ZNF536: variants seen among roughly 807,000 people sequenced by gnomAD.
ZNF536 encodes the protein zinc finger protein 536.
Under a neutral mutation model 84.5 loss-of-function variants are expected in ZNF536, and 13 were observed. That is an observed-to-expected ratio of 0.15 (90% CI 0.10 to 0.24). ZNF536 has a LOEUF of 0.24. Among genes scored for constraint, ZNF536 ranks in the 10% least tolerant of loss-of-function variants. The pLI, the probability that ZNF536 is intolerant of heterozygous loss-of-function variation, is 1.00. For missense variants in ZNF536, 1,536 were observed against 1,747.5 expected, an observed-to-expected ratio of 0.88 and a Z score of 2.16; for synonymous variants, 811 against 742.5, an observed-to-expected ratio of 1.09 and a Z score of -1.50.
At chr19:30,252,841 C>T (rs571377522) in intron 1 of ZNF536, among the ~76,000 whole-genome samples, 13 of 152,306 alleles carry the variant, frequency 8.5e-5, no homozygotes, top group African/African-American at 2.2e-4. Flanking sequence ...GCAGAAGGGA[C>T]GGATTCCCCA....
chr19:30,404,383 T>C (rs2050180079), intron 1 of ZNF536, among the ~76,000 whole-genome samples: 1 of 152,122 alleles, frequency 6.6e-6, no homozygotes, highest in Non-Finnish European at 1.5e-5. Context: ...GCAGGCCACT[T>C]GAGGTAGTGA....
intron 1 of ZNF536, among the ~76,000 whole-genome samples, chr19:30,686,760 T>C (rs1404025993): frequency 6.6e-6 from 1 of 152,152 alleles, no homozygotes; most frequent in Non-Finnish European, 1.5e-5. Context: ...TCGCCTTCAT[T>C]ATCTCGGCTC....
intron 1 of ZNF536, among the ~76,000 whole-genome samples, chr19:30,437,618 A>C (rs1344873711): frequency 1.3e-5 from 2 of 151,912 alleles, no homozygotes; most frequent in Non-Finnish European, 2.9e-5. Context: ...CCGAGAGCCT[A>C]GCTTAGTTCT....
chr19:30,541,341 A>G (rs1599742089), intron 3 of ZNF536, among the ~76,000 whole-genome samples: 1 of 152,028 alleles, frequency 6.6e-6, no homozygotes, highest in East Asian at 1.9e-4. Flanking sequence ...TTCCTTTTCC[A>G]AAAAGAGAGC....
chr19:30,446,983 G>T (rs563050424), intron 2 of ZNF536, among the ~76,000 whole-genome samples: 2 of 152,226 alleles, frequency 1.3e-5, no homozygotes, highest in South Asian at 4.2e-4. Flanking sequence ...AAAGCACCTC[G>T]CTAATACTGT....
chr19:30,557,689 T>C lies in ZNF536; in HGVS notation c.*525T>C, dbSNP rs2046014052. ...TATTTAAGCAGAAATATTGCTAGTT[T>C]AATATTGTGTCAGGTCGTCCTATTA... On this transcript the variant is annotated 3_prime_UTR_variant, in exon 5 of 5. Coordinates refer to ENST00000355537, the MANE Select transcript of ZNF536 (RefSeq NM_014717.3). 1 of 152,340 alleles carries C rather than the reference T, an allele frequency of 6.6e-6. No individual in the cohort carries two copies. The highest frequency in any genetic ancestry group is 1.5e-5 in the Non-Finnish European group (1 of 68,086). 9.4% of individuals were successfully genotyped at this position (152,340 alleles called of 1,614,324 possible).
intron 2 of ZNF536, among the ~76,000 whole-genome samples, chr19:30,490,240 C>G (rs2054456017): frequency 6.6e-6 from 1 of 152,166 alleles, no homozygotes; most frequent in Non-Finnish European, 1.5e-5. Flanking sequence ...CTTCGTTCAT[C>G]TCTTCTTGAT....
In ZNF536 at chr19:30,444,839, T is replaced by C. The variant is rs2148200631; in HGVS notation, c.1277T>C (p.Leu426Pro). 1 of 1,613,692 alleles carries C rather than the reference T, an allele frequency of 6.2e-7. No homozygotes were observed. Among genetic ancestry groups the C allele is most frequent in the Non-Finnish European group, 8.5e-7 (1 of 1,180,018 alleles). The change falls in exon 2 of 5, where the codon CTG (leucine) becomes CCG (proline). Residue 426 changes from leucine (L) to proline (P), a missense_variant. Physicochemically the swap from Leu to Pro is moderately conservative, Grantham distance 98. Around this residue, in one of 8 missense-constraint regions of ZNF536, gnomAD observed 366 missense variants for 364.4 expected, o/e 1.00. Coordinates refer to ENST00000355537, the MANE Select transcript of ZNF536 (RefSeq NM_014717.3). ...ATGTCCCAGGAGGCCCACGCCAACC[T>C]GTACTCCAGGTACCTCTCCTGCCTG... ...GGMSQEAHANLYSRYLSCLQS... is the reference protein window; with the variant it reads ...GGMSQEAHANPYSRYLSCLQS...
chr19:30,691,955 C>T (rs918917279), intron 1 of ZNF536, among the ~76,000 whole-genome samples: 3 of 152,182 alleles, frequency 2.0e-5, no homozygotes, highest in African/African-American at 7.2e-5. Flanking sequence ...AGCCTCTGCC[C>T]GGGCCTCCAC....
intron 2 of ZNF536, among the ~76,000 whole-genome samples, chr19:30,480,090 A>G (rs900484542): frequency 3.9e-5 from 6 of 152,096 alleles, no homozygotes; most frequent in African/African-American, 1.4e-4. Context: ...CCCTTTCTCC[A>G]CAGTTCCTCA....
chr19:30,391,532 C>T (rs544123028), intron 1 of ZNF536, among the ~76,000 whole-genome samples: 3 of 152,184 alleles, frequency 2.0e-5, no homozygotes, highest in South Asian at 2.1e-4. Flanking sequence ...GCTGAGATCG[C>T]ACCATTGCAC....
intron 1 of ZNF536, among the ~76,000 whole-genome samples, chr19:30,377,724 G>T (rs1027617253): frequency 6.6e-6 from 1 of 152,188 alleles, no homozygotes; most frequent in Non-Finnish European, 1.5e-5. Context: ...GAATGCCTTT[G>T]TTCTCAAGAT....
At chr19:30,363,753 T>A (rs1244115913) in intron 3 of ZNF536, among the ~76,000 whole-genome samples, 1 of 152,178 alleles carries the variant, frequency 6.6e-6, no homozygotes, top group East Asian at 1.9e-4. Context: ...TGCAATCATT[T>A]AAAGAGAGGA....
chr19:30,243,692 T>C (rs922606444), intron 1 of ZNF536, among the ~76,000 whole-genome samples: 1 of 152,256 alleles, frequency 6.6e-6, no homozygotes, highest in Non-Finnish European at 1.5e-5. Context: ...GCTAGTGCTG[T>C]ATTACGTCTG....
At chr19:30,299,122 A>T (rs1260119824) in intron 2 of ZNF536, among the ~76,000 whole-genome samples, 1 of 152,240 alleles carries the variant, frequency 6.6e-6, no homozygotes, top group Non-Finnish European at 1.5e-5. Context: ...TATTGAAATC[A>T]CTGATTTTAA....
intron 1 of ZNF536, among the ~76,000 whole-genome samples, chr19:30,249,483 G>A (rs2145044104): frequency 6.6e-6 from 1 of 152,100 alleles, no homozygotes; most frequent in South Asian, 2.1e-4. Context: ...CCTGTGAGAT[G>A]GGGTCATCAG....
intron 2 of ZNF536, among the ~76,000 whole-genome samples, chr19:30,456,308 C>CTTTTTTTTT: frequency 9.2e-6 from 1 of 108,110 alleles, no homozygotes; most frequent in Non-Finnish European, 1.9e-5. Flanking sequence ...TGTTTCTTTT[C>CTTTTTTTTT]TTTTTTTTTT....
chr19:30,464,620 C>A (rs1346415928), intron 2 of ZNF536, among the ~76,000 whole-genome samples: 2 of 151,854 alleles, frequency 1.3e-5, no homozygotes, highest in Non-Finnish European at 2.9e-5. Flanking sequence ...ATGTGTGCAG[C>A]CAGGTGCATT....
intron 2 of ZNF536, among the ~76,000 whole-genome samples, chr19:30,347,120 T>C (rs113129085): frequency 4.7e-5 from 7 of 147,414 alleles, no homozygotes; most frequent in African/African-American, 7.5e-5. Context: ...TTTTTTTTTT[T>C]ATATGATTCT....
Sources: allele counts gnomAD v4.1 joint callset (sites outside exome capture counted in the v4.1 genomes callset), GRCh38; gene constraint gnomAD v4.1.1; regional missense constraint gnomAD v4.1.1; transcripts MANE v1.5; gene names NCBI Gene and HGNC (gene_info 2026-07-23, HGNC 2026-07-21).